Variants in SLC35F3 observed in about 807,000 individuals in gnomAD.
SLC35F3 encodes the protein putative thiamine transporter SLC35F3.
SLC35F3 carries 25 observed loss-of-function variants against 49.9 expected under a neutral mutation model. That is an observed-to-expected ratio of 0.50 (90% CI 0.37 to 0.70). The LOEUF is 0.70. Ranked by LOEUF, SLC35F3 falls within the 30% of genes least tolerant of loss-of-function variation. The probability of loss-of-function intolerance (pLI) is 0.00; values close to 1 mark genes in which losing one functional copy is unlikely to be tolerated. For synonymous variants in SLC35F3, 275 were observed against 265.4 expected (o/e 1.04, Z -0.35); for missense variants, 525 against 639.8 (o/e 0.82, Z 1.94).
At chr1:233,925,672 A>G (rs905333731) in intron 2 of SLC35F3, among the ~76,000 whole-genome samples, 4 of 152,224 alleles carry the variant, frequency 2.6e-5, no homozygotes, top group Non-Finnish European at 5.9e-5. Context: ...TGATCCTGTC[A>G]TTATGATGTT....
chr1:234,132,462 A>C (rs1665750638), intron 2 of SLC35F3, among the ~76,000 whole-genome samples: 1 of 152,216 alleles, frequency 6.6e-6, no homozygotes, highest in African/African-American at 2.4e-5. Context: ...CCAAGTTTGC[A>C]TCCAAAGGTT....
chr1:234,131,444 C>G (rs1314505188), intron 2 of SLC35F3, among the ~76,000 whole-genome samples: 1 of 152,128 alleles, frequency 6.6e-6, no homozygotes, highest in Non-Finnish European at 1.5e-5. Context: ...CTCACCCAGC[C>G]CCCCTTCCCC....
intron 2 of SLC35F3, among the ~76,000 whole-genome samples, chr1:233,906,437 T>A (rs1661778505): frequency 6.6e-6 from 1 of 152,226 alleles, no homozygotes; most frequent in South Asian, 2.1e-4. Context: ...ACAGACATTA[T>A]CTTATGTCAC....
At chr1:234,125,793 C>T (rs1213992315) in intron 2 of SLC35F3, among the ~76,000 whole-genome samples, 2 of 152,190 alleles carry the variant, frequency 1.3e-5, no homozygotes, top group African/African-American at 2.4e-5. Context: ...CGGCACTCCC[C>T]GCCTTCTCAG....
At chr1:234,036,311 C>T (rs144974164) in intron 2 of SLC35F3, among the ~76,000 whole-genome samples, 1 of 152,328 alleles carries the variant, frequency 6.6e-6, no homozygotes, top group African/African-American at 2.4e-5. Context: ...AGCAATCCTC[C>T]CAGCTTAGCG....
intron 3 of SLC35F3, among the ~76,000 whole-genome samples, chr1:234,277,925 G>A (rs1038541977): frequency 6.6e-6 from 1 of 152,260 alleles, no homozygotes; most frequent in African/African-American, 2.4e-5. Context: ...TGGGCGCGGT[G>A]GCTCACGCCT....
intron 2 of SLC35F3, among the ~76,000 whole-genome samples, chr1:234,199,427 A>G (rs1047057052): frequency 1.3e-5 from 2 of 152,188 alleles, no homozygotes; most frequent in African/African-American, 4.8e-5. Flanking sequence ...GGAAAACTGT[A>G]TGTTCATTCA....
chr1:234,167,580 C>T (rs1205979173), intron 2 of SLC35F3, among the ~76,000 whole-genome samples: 1 of 152,150 alleles, frequency 6.6e-6, no homozygotes, highest in Non-Finnish European at 1.5e-5. Context: ...AGAGTCTTAC[C>T]ACAACAGAGC....
intron 3 of SLC35F3, among the ~76,000 whole-genome samples, chr1:234,295,645 G>A (rs1668580477): frequency 6.6e-6 from 1 of 152,226 alleles, no homozygotes; most frequent in Non-Finnish European, 1.5e-5. Context: ...AGCAAGCCCA[G>A]CTTTGAAATC....
intron 3 of SLC35F3, among the ~76,000 whole-genome samples, chr1:234,271,654 CTTCA>C (rs566114117): frequency 1.2e-3 from 186 of 152,274 alleles, no homozygotes; most frequent in African/African-American, 4.3e-3. Flanking sequence ...AAAGCAAGAA[CTTCA>C]TTCATTGAGA....
intron 2 of SLC35F3, among the ~76,000 whole-genome samples, chr1:233,986,386 A>G (rs1182015335): frequency 6.6e-6 from 1 of 152,128 alleles, no homozygotes; most frequent in African/African-American, 2.4e-5. Flanking sequence ...TTTGTTCTGA[A>G]TATTCTTCCA....
chr1:234,208,920 C>T (rs1443554592), intron 2 of SLC35F3, among the ~76,000 whole-genome samples: 2 of 152,198 alleles, frequency 1.3e-5, no homozygotes, highest in African/African-American at 4.8e-5. Context: ...TAGACACCAT[C>T]ACACATCGCT....
At chr1:234,276,940 G>T (rs539786931) in intron 3 of SLC35F3, among the ~76,000 whole-genome samples, 186 of 152,364 alleles carry the variant, frequency 1.2e-3, no homozygotes, top group African/African-American at 4.3e-3. Context: ...AGTGAAGCAG[G>T]TGGAGGGCAA....
chr1:233,993,321 G>C (rs1286897372), intron 2 of SLC35F3, among the ~76,000 whole-genome samples: 3 of 152,068 alleles, frequency 2.0e-5, no homozygotes, highest in Non-Finnish European at 4.4e-5. Context: ...TTGCTGGGCT[G>C]GTGGTCCAGG....
At chr1:234,144,900 G>A (rs560524268) in intron 2 of SLC35F3, among the ~76,000 whole-genome samples, 1 of 152,342 alleles carries the variant, frequency 6.6e-6, no homozygotes, top group South Asian at 2.1e-4. Flanking sequence ...GGAATACGTG[G>A]TGTGGGAGCA....
chr1:234,208,178 A>G (rs146526466), intron 2 of SLC35F3, among the ~76,000 whole-genome samples: 3 of 152,332 alleles, frequency 2.0e-5, no homozygotes, highest in East Asian at 1.9e-4. Context: ...GATGTTGGCT[A>G]TACTTTAAGG....
At chr1:234,177,535 G>A (rs925416437) in intron 2 of SLC35F3, among the ~76,000 whole-genome samples, 15 of 152,152 alleles carry the variant, frequency 9.9e-5, no homozygotes, top group South Asian at 4.1e-4. Flanking sequence ...GCCCAGTGTC[G>A]AAGCCCCCAA....
At position 233,934,123 on chromosome 1, in the gene SLC35F3, C is replaced by G. The variant is rs189990246; in HGVS notation, c.283+28365C>G. Among the ~76,000 whole-genome samples, 355 of 152,294 alleles carry G rather than the reference C, an allele frequency of 2.3e-3. 2 individuals carry two copies. The highest frequency in any genetic ancestry group is 6.4e-3 in the South Asian group (31 of 4,826). On this transcript the variant is annotated intron_variant, in intron 2 of 7. Transcript: ENST00000366618. Reference sequence around the variant, plus strand: ...ATAGCATAGGATATCAGTTATTCTTCAAAGTGAATTCAGAGTATGTCTTTA... The same window carrying G: ...ATAGCATAGGATATCAGTTATTCTTGAAAGTGAATTCAGAGTATGTCTTTA...
intron 3 of SLC35F3, among the ~76,000 whole-genome samples, chr1:234,298,633 G>T (rs923441281): frequency 5.9e-5 from 9 of 152,038 alleles, no homozygotes; most frequent in African/African-American, 1.7e-4. Flanking sequence ...CCCCATTCCA[G>T]ACCTGCTGAA....
Sources: gnomAD v4.1 joint callset for allele counts (sites outside exome capture counted in the v4.1 genomes callset) on GRCh38, gnomAD v4.1.1 for gene constraint, MANE v1.5 for transcripts, NCBI Gene and HGNC (gene_info 2026-07-23, HGNC 2026-07-21) for gene names.